The following FGF12 variants were observed in gnomAD, a reference collection of about 807,000 sequenced individuals.
FGF12 encodes the protein fibroblast growth factor 12B.
In FGF12, 14 loss-of-function variants were observed where a neutral mutation model predicts 23.6. The observed-to-expected ratio is 0.59, with a 90% CI of 0.39 to 0.93. FGF12 has a LOEUF of 0.93. FGF12 is among the 40% of genes least tolerant of loss of function. FGF12 has a pLI of 0.00. For missense variants in FGF12, 175 were observed against 217.8 expected (o/e 0.80, Z 1.24); for synonymous variants, 62 against 77.3 (o/e 0.80, Z 1.04).
intron 3 of FGF12, among the ~76,000 whole-genome samples, chr3:192,350,992 G>A (rs1055682592): frequency 2.6e-5 from 4 of 152,094 alleles, no homozygotes; most frequent in Admixed American, 2.0e-4. Flanking sequence ...GGCAATAGGG[G>A]TATTGAGAAT....
intron 2 of FGF12, among the ~76,000 whole-genome samples, chr3:192,717,445 A>T (rs746285373): frequency 6.6e-6 from 1 of 152,200 alleles, no homozygotes; most frequent in Non-Finnish European, 1.5e-5. Context: ...ATTTCAAAAG[A>T]CTCAGTTATC....
chr3:192,680,956 C>T (rs982795360), intron 2 of FGF12, among the ~76,000 whole-genome samples: 2 of 152,172 alleles, frequency 1.3e-5, no homozygotes, highest in Non-Finnish European at 2.9e-5. Flanking sequence ...AATGTATTTA[C>T]ATAAAGACAT....
chr3:192,314,482 C>T (rs545130218), intron 4 of FGF12, among the ~76,000 whole-genome samples: 1 of 152,244 alleles, frequency 6.6e-6, no homozygotes, highest in Non-Finnish European at 1.5e-5. Flanking sequence ...GCCTAGAAAG[C>T]TCCCATGTTA....
chr3:192,163,828 A>AGTGTGTGTGTGTGTGT (rs35349561), intron 5 of FGF12, among the ~76,000 whole-genome samples: 8,107 of 149,382 alleles, frequency 0.054, 297 homozygotes, highest in Middle Eastern at 0.11. Context: ...AGTGTGTGTG[A>AGTGTGTGTGTGTGTGT]GTGTGTGTGT....
chr3:192,627,884 T>C (rs2108653241), intron 2 of FGF12, among the ~76,000 whole-genome samples: 1 of 129,132 alleles, frequency 7.7e-6, no homozygotes, highest in Non-Finnish European at 1.8e-5. Context: ...GTGTGTTTAG[T>C]TATATACAAT....
At chr3:192,281,021 T>C (rs1479337799) in intron 4 of FGF12, among the ~76,000 whole-genome samples, 2 of 152,158 alleles carry the variant, frequency 1.3e-5, no homozygotes, top group African/African-American at 4.8e-5. Flanking sequence ...CCTCAGAAAT[T>C]TGTGGTGCAG....
At chr3:192,603,941 G>T (rs1345750784) in intron 2 of FGF12, among the ~76,000 whole-genome samples, 2 of 152,086 alleles carry the variant, frequency 1.3e-5, no homozygotes, top group South Asian at 2.1e-4. Context: ...GAAGACCAGG[G>T]CGTATCTCAG....
At chr3:192,491,348 G>A (rs967275770) in intron 2 of FGF12, among the ~76,000 whole-genome samples, 10 of 152,158 alleles carry the variant, frequency 6.6e-5, no homozygotes, top group African/African-American at 1.4e-4. Context: ...TTTGAAGGGA[G>A]TTTTACTTCA....
chr3:192,456,285 T>A (rs960225033), intron 2 of FGF12, among the ~76,000 whole-genome samples: 2 of 152,212 alleles, frequency 1.3e-5, no homozygotes, highest in Non-Finnish European at 2.9e-5. Flanking sequence ...TAAAAGAAAC[T>A]GGAAAACCAA....
intron 2 of FGF12, among the ~76,000 whole-genome samples, chr3:192,585,303 A>G (rs1469564260): frequency 6.6e-6 from 1 of 152,186 alleles, no homozygotes; most frequent in Non-Finnish European, 1.5e-5. Context: ...GATATAACCC[A>G]GGTCTCTTCA....
chr3:192,667,246 G>GA (rs1716918162), intron 2 of FGF12, among the ~76,000 whole-genome samples: 1 of 152,104 alleles, frequency 6.6e-6, no homozygotes, highest in Non-Finnish European at 1.5e-5. Flanking sequence ...ATAGAAGGGA[G>GA]AAAAGCTTCT....
chr3:192,204,014 G>A (rs550948012), intron 4 of FGF12, among the ~76,000 whole-genome samples: 3 of 151,728 alleles, frequency 2.0e-5, no homozygotes, highest in East Asian at 3.9e-4. Context: ...AGAATTTGTC[G>A]TTAAAAAAAA....
chr3:192,192,584 T>C (rs1024208499), intron 4 of FGF12, among the ~76,000 whole-genome samples: 1 of 151,316 alleles, frequency 6.6e-6, no homozygotes, highest in Non-Finnish European at 1.5e-5. Context: ...TTAATATAAC[T>C]AGTAATAACT....
intron 4 of FGF12, among the ~76,000 whole-genome samples, chr3:192,320,549 T>C (rs990302742): frequency 1.3e-5 from 2 of 152,146 alleles, no homozygotes; most frequent in African/African-American, 4.8e-5. Context: ...GGATAGACCA[T>C]ATGCTAGGTC....
At chr3:192,154,365 G>A (rs1714225890) in intron 5 of FGF12, among the ~76,000 whole-genome samples, 1 of 122,618 alleles carries the variant, frequency 8.2e-6, no homozygotes, top group African/African-American at 3.0e-5. Flanking sequence ...GAGGAACTGC[G>A]TTCCTTTGGA....
chr3:192,435,473 T>C (rs1178520048), intron 2 of FGF12, among the ~76,000 whole-genome samples: 5 of 152,292 alleles, frequency 3.3e-5, no homozygotes, highest in African/African-American at 9.6e-5. Flanking sequence ...GGCTTGGTGA[T>C]GTCCTGAACT....
intron 2 of FGF12, among the ~76,000 whole-genome samples, chr3:192,681,145 A>G (rs1019925199): frequency 5.9e-5 from 9 of 152,230 alleles, no homozygotes; most frequent in Non-Finnish European, 1.3e-4. Context: ...CTTAAAAATG[A>G]TAAAGGGTCA....
At chr3:192,273,410 CTGG>C (rs1713572671) in intron 4 of FGF12, among the ~76,000 whole-genome samples, 1 of 152,076 alleles carries the variant, frequency 6.6e-6, no homozygotes, top group South Asian at 2.1e-4. Context: ...CCAAGTTTCC[CTGG>C]GGCTGAAGCT....
intron 2 of FGF12, among the ~76,000 whole-genome samples, chr3:192,608,714 T>A (rs1410995359): frequency 6.6e-6 from 1 of 152,122 alleles, no homozygotes; most frequent in Non-Finnish European, 1.5e-5. Context: ...TTATTGCTAC[T>A]TTACTGTGAA....
Sources: gnomAD v4.1 joint callset for allele counts (sites outside exome capture counted in the v4.1 genomes callset) on GRCh38, gnomAD v4.1.1 for gene constraint, MANE v1.5 for transcripts, NCBI Gene and HGNC (gene_info 2026-07-23, HGNC 2026-07-21) for gene names.